Variants in R3HDM2 observed in about 807,000 individuals in gnomAD.
R3HDM2 encodes the protein R3H domain-containing protein 2.
R3HDM2 carries 38 observed loss-of-function variants against 124.5 expected under a neutral mutation model. That is an observed-to-expected ratio of 0.31 (90% confidence interval 0.24 to 0.40). The LOEUF is 0.40. Among genes scored for constraint, R3HDM2 ranks in the 10% least tolerant of loss-of-function variants. The probability of loss-of-function intolerance (pLI) is 1.00; values close to 1 mark genes in which losing one functional copy is unlikely to be tolerated. For missense variants in R3HDM2, 869 were observed against 1,236.9 expected, an observed-to-expected ratio of 0.70 and a Z score of 4.46; for synonymous variants, 391 against 448.0, an observed-to-expected ratio of 0.87 and a Z score of 1.61.
chr12:57,326,758 C>T (rs531253286), intron 2 of R3HDM2, among the ~76,000 whole-genome samples: 1 of 152,302 alleles, frequency 6.6e-6, no homozygotes, highest in South Asian at 2.1e-4. Context: ...AACCTGGCTC[C>T]AGTGCTTCAA....
chr12:57,380,426 G>A (rs1295287924), intron 2 of R3HDM2, among the ~76,000 whole-genome samples: 1 of 152,094 alleles, frequency 6.6e-6, no homozygotes, highest in Non-Finnish European at 1.5e-5. Context: ...ATGATGGCTG[G>A]GAAAAGAGAA....
chr12:57,395,558 G>A (rs991436714), intron 2 of R3HDM2, among the ~76,000 whole-genome samples, 191 bp downstream of exon 2: 1 of 152,014 alleles, frequency 6.6e-6, no homozygotes, highest in African/African-American at 2.4e-5. Flanking sequence ...GGGATTACAG[G>A]TGTGAGCCAC....
intron 14 of R3HDM2, among the ~76,000 whole-genome samples, chr12:57,270,437 G>A (rs932355991): frequency 4.0e-5 from 6 of 149,014 alleles, no homozygotes; most frequent in African/African-American, 1.5e-4. Context: ...TTTGTTTTTT[G>A]TTTTTTTTGA....
chr12:57,272,850 G>A (rs1054905589), intron 14 of R3HDM2, among the ~76,000 whole-genome samples: 1 of 152,124 alleles, frequency 6.6e-6, no homozygotes, highest in African/African-American at 2.4e-5. Flanking sequence ...CAGCTGTTGT[G>A]AGCAATCTGA....
At chr12:57,323,397 T>C (rs1453436468) in intron 2 of R3HDM2, among the ~76,000 whole-genome samples, 1 of 152,200 alleles carries the variant, frequency 6.6e-6, no homozygotes, top group Non-Finnish European at 1.5e-5. Context: ...CACATAAAGC[T>C]ATAGGTATAT....
At chr12:57,312,997 C>T (rs915140209) in intron 2 of R3HDM2, among the ~76,000 whole-genome samples, 1 of 150,342 alleles carries the variant, frequency 6.7e-6, no homozygotes, top group African/African-American at 2.4e-5. Flanking sequence ...AAGAAACTAG[C>T]TACAAATATT....
At chr12:57,375,837 TAATA>T (rs1297800195) in intron 2 of R3HDM2, among the ~76,000 whole-genome samples, 1 of 152,074 alleles carries the variant, frequency 6.6e-6, no homozygotes, top group Non-Finnish European at 1.5e-5. Context: ...CATGTGCAGC[TAATA>T]TTTTGTATTT....
intron 1 of R3HDM2, among the ~76,000 whole-genome samples, chr12:57,398,887 C>T (rs2067813188): frequency 6.6e-6 from 1 of 152,180 alleles, no homozygotes; most frequent in African/African-American, 2.4e-5. Context: ...GGCCCAAATC[C>T]AATCTTCTGA....
intron 3 of R3HDM2, among the ~76,000 whole-genome samples, chr12:57,303,419 C>T (rs1195059681): frequency 1.3e-5 from 2 of 152,052 alleles, no homozygotes; most frequent in African/African-American, 4.8e-5. Context: ...CAGGCCAATA[C>T]AGTCAAATCA....
chr12:57,349,562 GGTT>G (rs1334891447), intron 2 of R3HDM2, among the ~76,000 whole-genome samples: 1 of 150,128 alleles, frequency 6.7e-6, no homozygotes, highest in African/African-American at 2.5e-5. Context: ...TTTGTTTTTT[GGTT>G]GTTTTTTTTT....
At chr12:57,348,725 A>AAAAAAAAAAAAAAG (rs2060337872) in intron 2 of R3HDM2, among the ~76,000 whole-genome samples, 2 of 9,388 alleles carry the variant, frequency 2.1e-4, no homozygotes, top group Admixed American at 1.5e-3. Flanking sequence ...AAAAAAAGAG[A>AAAAAAAAAAAAAAG]GAGAAAAATT....
intron 14 of R3HDM2, among the ~76,000 whole-genome samples, chr12:57,278,582 A>T (rs1178841054): frequency 2.0e-5 from 3 of 152,236 alleles, no homozygotes; most frequent in Non-Finnish European, 4.4e-5. Context: ...GGAGAAGCAT[A>T]GTTTACCCAC....
intron 11 of R3HDM2, among the ~76,000 whole-genome samples, chr12:57,289,541 G>C (rs1016532975): frequency 3.3e-5 from 5 of 152,176 alleles, no homozygotes; most frequent in Non-Finnish European, 7.3e-5. Flanking sequence ...AGGAGGGTGG[G>C]ATATTGGGGA....
intron 19 of R3HDM2, among the ~76,000 whole-genome samples, chr12:57,260,182 T>G (rs2040312615): frequency 7.0e-6 from 1 of 142,622 alleles, no homozygotes; most frequent in East Asian, 2.1e-4. Context: ...GAGGATCACT[T>G]GAGCCTGGGA....
At chr12:57,409,673 A>G (rs2068845156) in intron 1 of R3HDM2, among the ~76,000 whole-genome samples, 1 of 151,724 alleles carries the variant, frequency 6.6e-6, no homozygotes, top group African/African-American at 2.4e-5. Context: ...TTCAGAGATG[A>G]CATATAGCCC....
intron 1 of R3HDM2, among the ~76,000 whole-genome samples, chr12:57,422,093 C>CAAA (rs35439340): frequency 2.7e-5 from 2 of 74,364 alleles, no homozygotes; most frequent in Non-Finnish European, 5.0e-5. Flanking sequence ...CTCCGCCTAG[C>CAAA]AAAAAAAAAA....
intron 14 of R3HDM2, among the ~76,000 whole-genome samples, chr12:57,279,275 T>C (rs1166715926): frequency 6.7e-6 from 1 of 149,060 alleles, no homozygotes; most frequent in Non-Finnish European, 1.5e-5. Context: ...CTCCGCCTCA[T>C]GGGTTCAAGC....
intron 3 of R3HDM2, chr12:57,305,740 G>A (rs2052440059): frequency 7.5e-6 from 3 of 397,994 alleles, no homozygotes; most frequent in Non-Finnish European, 1.3e-5. Flanking sequence ...AGTGCTACAG[G>A]AGCACACAGC....
rs182275600 is a variant in R3HDM2 at position 57,304,954 on chromosome 12, G to T, written c.166-1737C>A. ...AATCCCAGCACTTTGGGAGGCCAAGGTGGGCAATCACCTGAAGTCAGGAGT... is the reference window on the plus strand; with the variant it reads ...AATCCCAGCACTTTGGGAGGCCAAGTTGGGCAATCACCTGAAGTCAGGAGT... On this transcript the variant is annotated intron_variant, in intron 3 of 23. Transcript: ENST00000402412. Among the ~76,000 whole-genome samples the T allele has an allele frequency of 2.1e-3, 314 of 152,302 alleles. 1 individual carries two copies. The highest frequency in any genetic ancestry group is 7.3e-3 in the African/African-American group (303 of 41,560).
Sources: allele counts gnomAD v4.1 joint callset (sites outside exome capture counted in the v4.1 genomes callset), GRCh38; gene constraint gnomAD v4.1.1; transcripts MANE v1.5; gene names NCBI Gene and HGNC (gene_info 2026-07-23, HGNC 2026-07-21).